Variants in ARMC6 observed in about 807,000 individuals in gnomAD.
The protein encoded by ARMC6 is armadillo repeat-containing protein 6.
A neutral mutation model predicts 49.2 loss-of-function variants in ARMC6; 43 were observed. The ratio of observed to expected loss-of-function variants is 0.87; its 90% confidence interval spans 0.69 to 1.13. The LOEUF (loss-of-function observed/expected upper bound fraction) is 1.13, where lower values mean the gene tolerates loss of function less well. Among genes scored for constraint, ARMC6 ranks in the 50% most tolerant of loss-of-function variants. The pLI is 0.00. For missense variants in ARMC6, 627 were observed against 682.0 expected (o/e 0.92, Z 0.90); for synonymous variants, 262 against 289.6 (o/e 0.90, Z 0.97).
Position 19,055,851 on chromosome 19 carries a change from C to T in ARMC6, c.1216C>T (p.Arg406Cys), listed in dbSNP as rs200832309. ...FLALRKPDNSRIIVEGGGAVA... is the reference protein window; with the variant it reads ...FLALRKPDNSCIIVEGGGAVA... ...GGCCCTGCGTAAGCCCGACAACAGC[C>T]GCATCATCGTGGAGGGTGGCGGGGC... Residue 406 changes from arginine to cysteine, a missense_variant, in exon 8 of 9, where the codon CGC becomes TGC. Physicochemically the swap from Arg to Cys is radical, Grantham distance 180. Coordinates refer to ENST00000535612, the MANE Select transcript of ARMC6 (RefSeq NM_001199196.2). The surrounding 1 kb of genome is among the most constrained non-coding windows in gnomAD (Gnocchi z 5.7). The T allele has an allele frequency of 6.9e-5, 112 of 1,612,542 alleles. No individual in the cohort carries two copies. The East Asian group carries it at 1.4e-3, about 20-fold the overall frequency.
intron 2 of ARMC6, chr19:19,040,654 CTT>C (rs34338156): frequency 9.8e-3 from 2,668 of 271,526 alleles, no homozygotes; most frequent in South Asian, 0.016. Flanking sequence ...CAGAGTTTGA[CTT>C]TTTTTTTTTT....
chr19:19,048,796 A>G (rs1045275167), intron 4 of ARMC6, among the ~76,000 whole-genome samples: 1 of 152,194 alleles, frequency 6.6e-6, no homozygotes, highest in Non-Finnish European at 1.5e-5. Context: ...TTGCAGGGCC[A>G]TTTCAAAATA....
chr19:19,048,013 A>C (rs1222436762), intron 4 of ARMC6, among the ~76,000 whole-genome samples: 2 of 151,894 alleles, frequency 1.3e-5, no homozygotes, highest in Non-Finnish European at 2.9e-5. Context: ...GGAGTTTGGG[A>C]CCAGCCTGGC....
intron 2 of ARMC6, among the ~76,000 whole-genome samples, chr19:19,035,515 A>G (rs1374554141): frequency 6.6e-6 from 1 of 152,086 alleles, no homozygotes; most frequent in African/African-American, 2.4e-5. Context: ...CCAAATCTGT[A>G]CTTTCCTCCT....
chr19:19,036,458 C>G (rs919316792), intron 2 of ARMC6, among the ~76,000 whole-genome samples: 7 of 152,192 alleles, frequency 4.6e-5, no homozygotes, highest in Admixed American at 2.6e-4. Flanking sequence ...GTGAAGATCA[C>G]CTGTCAATTT....
At chr19:19,040,735 G>A (rs1307065063) in intron 2 of ARMC6, 13 of 441,786 alleles carry the variant, frequency 2.9e-5, no homozygotes, top group Admixed American at 4.8e-5. Flanking sequence ...TGCAACCTCC[G>A]CCTCTGTGCT....
Position 19,051,890 on chromosome 19 carries a change from C to T in ARMC6, c.548C>T (p.Ala183Val). The T allele has an allele frequency of 2.5e-6, 4 of 1,614,134 alleles. No homozygotes were observed. The highest frequency in any genetic ancestry group is 1.7e-6 in the Non-Finnish European group (2 of 1,180,026). Residue 183 changes from alanine (A) to valine (V), a missense_variant, in exon 5 of 9, where the codon GCC (alanine) becomes GTC (valine). Physicochemically the swap from Ala to Val is moderately conservative, Grantham distance 64. Transcript: ENST00000535612. ...GCCCAGGGCCTGCAGCTCCTAGTGG[C>T]CACGCTGACCCAGAATGCTGATGAG... ...LDAQGLQLLVATLTQNADEAD... is the reference protein window; with the variant it reads ...LDAQGLQLLVVTLTQNADEAD...
Position 19,042,692 on chromosome 19 carries a change from C to T in ARMC6, c.30-19C>T, listed in dbSNP as rs889635131. ...CTGCTCACCCTTGAGGTAGCTCTCT[C>T]TTTGCCCTAACCTCTCAGCTCAGGA... is the stretch of plus-strand genomic sequence containing the variant. On this transcript the variant is annotated intron_variant, in intron 2 of 8. Coordinates refer to ENST00000535612, the MANE Select transcript of ARMC6 (RefSeq NM_001199196.2). 16 of 1,610,564 alleles carry T rather than the reference C, an allele frequency of 9.9e-6. No individual in the cohort carries two copies. In the African/African-American group the frequency reaches 2.1e-4, roughly 21 times the overall value.
intron 6 of ARMC6, among the ~76,000 whole-genome samples, chr19:19,054,887 T>C (rs546678574): frequency 7.9e-5 from 12 of 152,308 alleles, no homozygotes; most frequent in African/African-American, 2.6e-4. Context: ...TCCTGGGCAG[T>C]TGGGGGCAGG....
chr19:19,036,125 A>G (rs143482307), intron 2 of ARMC6, among the ~76,000 whole-genome samples: 1,881 of 152,172 alleles, frequency 0.012, 20 homozygotes, highest in East Asian at 0.03. Context: ...GCAATGGCGC[A>G]ATCTTGGCTC....
At position 19,058,065 on chromosome 19, in the gene ARMC6, T is replaced by G; in HGVS notation, c.*437T>G. On this transcript the variant is annotated 3_prime_UTR_variant, in exon 9 of 9. Transcript: ENST00000535612. ...GCAGGCCTCTGCTCCTTGTCTTTCT[T>G]ACCTGTAAAATGGGTCTCAGATGCT... The G allele has an allele frequency of 3.9e-6, 1 of 257,432 alleles. No individual in the cohort carries two copies. The highest frequency in any genetic ancestry group is 7.7e-6 in the Non-Finnish European group (1 of 129,382). The allele number at this position is 257,432 out of a possible 1,614,324, so 15.9% of individuals were successfully genotyped here. A position where few individuals can be genotyped will look rare whatever the true frequency, so the allele number is the denominator to read the frequency against.
chr19:19,034,353 G>C (rs1366958693), intron 2 of ARMC6, 115 bp downstream of exon 2: 1 of 1,326,282 alleles, frequency 7.5e-7, no homozygotes, highest in Admixed American at 2.0e-5. Context: ...GAAAGGCGGG[G>C]AAGAGGAACT....
intron 3 of ARMC6, 50 bp downstream of exon 3, chr19:19,042,927 G>A (rs752054486): frequency 6.2e-7 from 1 of 1,605,192 alleles, no homozygotes; most frequent in South Asian, 1.1e-5. Flanking sequence ...AGATGCAAGA[G>A]CAGTGGGAGA....
At chr19:19,036,108 C>G (rs1473519826) in intron 2 of ARMC6, among the ~76,000 whole-genome samples, 1 of 152,172 alleles carries the variant, frequency 6.6e-6, no homozygotes, top group Non-Finnish European at 1.5e-5. Flanking sequence ...GTCGCCCAGG[C>G]TGGAGTGCAA....
chr19:19,034,271 G>T lies in ARMC6; in HGVS notation c.29+33G>T. 6.3e-7 allele frequency: 1 copy of T among 1,589,452 alleles called. No individual in the cohort carries two copies. The highest frequency in any genetic ancestry group is 1.1e-5 in the South Asian group (1 of 89,112). ...TGTGCAAATAATAACAGAGTGATGG[G>T]ACGGGAAAGCAGGGCTGCTCTTTAT... On this transcript the variant is annotated intron_variant, in intron 2 of 8. Coordinates refer to ENST00000535612, the MANE Select transcript of ARMC6 (RefSeq NM_001199196.2).
Position 19,055,664 on chromosome 19 carries a change from C to A in ARMC6, c.1156-127C>A. On this transcript the variant is annotated intron_variant, in intron 7 of 8. Coordinates refer to ENST00000535612, the MANE Select transcript of ARMC6 (RefSeq NM_001199196.2). The surrounding 1 kb of genome is among the most constrained non-coding windows in gnomAD (Gnocchi z 5.7). ...TATTTTTGTCACCCTGCCATTATTA[C>A]ACAGGAGTTGCCAGAGACCCACGGA... The A allele has an allele frequency of 7.4e-7, 1 of 1,359,862 alleles. No homozygotes were observed. Among genetic ancestry groups the A allele is most frequent in the Non-Finnish European group, 9.9e-7 (1 of 1,006,600 alleles). 84.2% of individuals were successfully genotyped at this position (1,359,862 alleles called of 1,614,324 possible).
At chr19:19,040,245 T>C (rs73008939) in intron 2 of ARMC6, among the ~76,000 whole-genome samples, 9,807 of 152,250 alleles carry the variant, frequency 0.064, 380 homozygotes, top group Middle Eastern at 0.15. Flanking sequence ...TAGACTGAGT[T>C]CCTGTCTACC....
chr19:19,046,927 G>GTTTTTTTTTTTTTTTTTTTTT (rs386388691), intron 4 of ARMC6, among the ~76,000 whole-genome samples: 20 of 104,324 alleles, frequency 1.9e-4, no homozygotes, highest in Admixed American at 6.3e-4. Flanking sequence ...ATGCTCACCT[G>GTTTTTTTTTTTTTTTTTTTTT]TTTTTTTTTT....
chr19:19,044,256 A>G (rs1468498483), intron 4 of ARMC6, among the ~76,000 whole-genome samples, 182 bp downstream of exon 4: 3 of 152,216 alleles, frequency 2.0e-5, no homozygotes, highest in Non-Finnish European at 4.4e-5. Context: ...ATGCCTTCCA[A>G]TGCAGGGGAT....
Sources: gnomAD v4.1 joint callset for allele counts (sites outside exome capture counted in the v4.1 genomes callset) on GRCh38, gnomAD v4.1.1 for gene constraint, Gnocchi (gnomAD v3.1) non-coding constraint, MANE v1.5 for transcripts, NCBI Gene and HGNC (gene_info 2026-07-23, HGNC 2026-07-21) for gene names.